The following DRC9 variants were observed in gnomAD, a reference collection of about 807,000 sequenced individuals.
DRC9 encodes the protein dynein regulatory complex subunit 9.
the DRC9 span, chr3:197,955,913 CAGAG>C: frequency 8.2e-6 from 6 of 729,642 alleles, no homozygotes; most frequent in Admixed American, 1.2e-4. Context: ...ACAAGGGGGT[CAGAG>C]AGACATGTGA....
chr3:197,938,537 T>C, the DRC9 span: 1 of 1,594,410 alleles, frequency 6.3e-7, no homozygotes, highest in Non-Finnish European at 8.6e-7. Context: ...CCAAATGTCT[T>C]CCTTCCTTAC....
chr3:197,959,451 G>T, the DRC9 span: 38,601 of 152,148 alleles, frequency 0.25, 6,915 homozygotes, highest in African/African-American at 0.52. Flanking sequence ...CATCCTCGTA[G>T]CTGAATCTCC....
At chr3:197,890,394 G>C in the DRC9 span, among the ~76,000 whole-genome samples, 1 of 147,566 alleles carries the variant, frequency 6.8e-6, no homozygotes. Flanking sequence ...GACAAAGTGA[G>C]ATGCTGTCTC....
the DRC9 span, among the ~76,000 whole-genome samples, chr3:197,949,142 CTTGCTCATTGTG>C: frequency 9.9e-5 from 15 of 152,204 alleles, no homozygotes; most frequent in African/African-American, 3.6e-4. Context: ...TCTATTTTTA[CTTGCTCATTGTG>C]TTGCTCCGCC....
At chr3:197,910,829 A>G in the DRC9 span, among the ~76,000 whole-genome samples, 1 of 151,934 alleles carries the variant, frequency 6.6e-6, no homozygotes, top group South Asian at 2.1e-4. Flanking sequence ...AAAATACAAA[A>G]ATTAGCTGGA....
the DRC9 span, chr3:197,954,457 C>G: frequency 2.4e-6 from 1 of 416,560 alleles, no homozygotes; most frequent in Non-Finnish European, 4.5e-6. Flanking sequence ...CCTCAGCCCC[C>G]CAAGTAGCTG....
At chr3:197,954,330 T>C in the DRC9 span, 1 of 679,584 alleles carries the variant, frequency 1.5e-6, no homozygotes, top group African/African-American at 1.8e-5. Context: ...TGGTTGTTTG[T>C]TTTTTGTTTT....
chr3:197,908,599 G>A, the DRC9 span, among the ~76,000 whole-genome samples: 1 of 147,762 alleles, frequency 6.8e-6, no homozygotes, highest in Admixed American at 6.7e-5. Flanking sequence ...CCCTTTCCAA[G>A]GCACCCTCCC....
chr3:197,904,071 CAT>C, the DRC9 span, among the ~76,000 whole-genome samples: 1 of 45,972 alleles, frequency 2.2e-5, no homozygotes, highest in Non-Finnish European at 6.1e-5. Context: ...TATATACATA[CAT>C]ATATATATAC....
the DRC9 span, among the ~76,000 whole-genome samples, chr3:197,890,736 AT>A: frequency 6.6e-6 from 1 of 152,218 alleles, no homozygotes; most frequent in East Asian, 1.9e-4. Flanking sequence ...AACTTGATAA[AT>A]ACTTGCTACT....
the DRC9 span, chr3:197,892,771 GAACATGAA>G: frequency 6.2e-7 from 1 of 1,613,846 alleles, no homozygotes; most frequent in South Asian, 1.1e-5. Flanking sequence ...TATTTGGAAA[GAACATGAA>G]AACATGGCAT....
the DRC9 span, chr3:197,938,697 T>A: frequency 6.2e-7 from 1 of 1,614,148 alleles, no homozygotes; most frequent in Non-Finnish European, 8.5e-7. Flanking sequence ...CCTCAGTTAT[T>A]AACGGACTGG....
chr3:197,936,958 G>A, the DRC9 span, among the ~76,000 whole-genome samples: 1 of 152,168 alleles, frequency 6.6e-6, no homozygotes, highest in African/African-American at 2.4e-5. Flanking sequence ...GTCGAATACC[G>A]AGGTCAGCAA....
At chr3:197,912,548 CAT>C in the DRC9 span, 1 of 716,042 alleles carries the variant, frequency 1.4e-6, no homozygotes, top group South Asian at 1.7e-5. Context: ...TGAAAGAAAA[CAT>C]GAGCTAAAGT....
At chr3:197,913,337 C>CGTGT in the DRC9 span, 1,504 of 205,674 alleles carry the variant, frequency 7.3e-3, 36 homozygotes, top group African/African-American at 0.039. Flanking sequence ...TGCGTGCGTG[C>CGTGT]GTGCGTGCGT....
chr3:197,959,295 G>T, the DRC9 span: 12 of 152,178 alleles, frequency 7.9e-5, no homozygotes, highest in African/African-American at 2.9e-4. Flanking sequence ...ATTCACAATA[G>T]CAATTTATTT....
At chr3:197,897,074 A>G in the DRC9 span, among the ~76,000 whole-genome samples, 1 of 152,210 alleles carries the variant, frequency 6.6e-6, no homozygotes, top group Admixed American at 6.5e-5. Flanking sequence ...GAAAGAAGAC[A>G]CATCTTTTTA....
the DRC9 span, among the ~76,000 whole-genome samples, chr3:197,940,168 G>A: frequency 1.3e-5 from 2 of 151,782 alleles, no homozygotes; most frequent in Non-Finnish European, 2.9e-5. Flanking sequence ...TAATTTTTTT[G>A]TATTTTTAGT....
At chr3:197,896,114 G>A in the DRC9 span, among the ~76,000 whole-genome samples, 76 of 151,348 alleles carry the variant, frequency 5.0e-4, no homozygotes, top group Admixed American at 1.2e-3. Flanking sequence ...AGGCCAAGGC[G>A]GGCAGATCAC....
Sources: allele counts gnomAD v4.1 joint callset (sites outside exome capture counted in the v4.1 genomes callset), GRCh38; gene constraint gnomAD v4.1.1; transcripts MANE v1.5; gene names NCBI Gene and HGNC (gene_info 2026-07-23, HGNC 2026-07-21).